Variants in MKRN1 observed in about 807,000 individuals in gnomAD.
MKRN1 encodes the protein makorin ring finger protein 1.
MKRN1 carries 9 observed loss-of-function variants against 55.5 expected under a neutral mutation model. The observed-to-expected ratio is 0.16, with a 90% CI of 0.10 to 0.28. The LOEUF (loss-of-function observed/expected upper bound fraction) is 0.28, where lower values mean the gene tolerates loss of function less well. Among genes scored for constraint, MKRN1 ranks in the 10% least tolerant of loss-of-function variants. MKRN1 has a pLI of 1.00. For synonymous variants in MKRN1, 253 were observed against 235.9 expected (o/e 1.07, Z -0.66); for missense variants, 488 against 626.7 (o/e 0.78, Z 2.36).
At chr7:140,473,185 A>G (rs1794985994) in intron 1 of MKRN1, 1 of 424,098 alleles carries the variant, frequency 2.4e-6, no homozygotes, top group South Asian at 1.7e-5. Context: ...ATATAAGTAT[A>G]TGTCTTGTTT....
rs183498887 is a variant in MKRN1 at position 140,476,034 on chromosome 7, T to C, written c.185+3126A>G. On this transcript the variant is annotated intron_variant, in intron 1 of 7. Transcript: ENST00000255977. ...AGAAAAAATGTAACCAGTAGGAAAA[T>C]ACAGGTGATTCCGAGCAATTAAAAA... Among the ~76,000 whole-genome samples the C allele has an allele frequency of 6.6e-5, 10 of 152,058 alleles. No homozygotes were observed. The East Asian group carries it at 1.6e-3, about 24-fold the overall frequency.
At position 140,479,441 on chromosome 7, in the gene MKRN1, G is replaced by A. The variant is rs1029834104; in HGVS notation, c.-97C>T. ...AGGACGGCGAGGCCAGGCGAGGGGA[G>A]GGGAAGGACACTGAGGCACCCGTTC... On this transcript the variant is annotated 5_prime_UTR_variant, in exon 1 of 8. Transcript: ENST00000255977. 14 of 1,208,120 alleles carry A rather than the reference G, an allele frequency of 1.2e-5. No homozygotes were observed. In the African/African-American group the frequency reaches 1.7e-4, roughly 15 times the overall value. The allele number at this position is 1,208,120 out of a possible 1,614,324, so 74.8% of individuals were successfully genotyped here. A position where few individuals can be genotyped will look rare whatever the true frequency, so the allele number is the denominator to read the frequency against.
Position 140,454,461 on chromosome 7 carries a change from C to G in MKRN1, c.*56G>C. On this transcript the variant is annotated 3_prime_UTR_variant, in exon 8 of 8. Transcript: ENST00000255977. ...GAACACAGGCACTGCCACACCACCA[C>G]AGGGGACAGCTGCTGTCTGAGGTCA... The G allele has an allele frequency of 2.6e-6, 4 of 1,530,884 alleles. No individual in the cohort carries two copies. Among genetic ancestry groups the G allele is most frequent in the East Asian group, 2.3e-5 (1 of 43,736 alleles). 94.8% of individuals were successfully genotyped at this position (1,530,884 alleles called of 1,614,324 possible). A position where few individuals can be genotyped will look rare whatever the true frequency, so the allele number is the denominator to read the frequency against.
chr7:140,460,021 T>A (rs2130266683), intron 2 of MKRN1, 85 bp from the exon 3 acceptor site: 1 of 1,182,152 alleles, frequency 8.5e-7, no homozygotes, highest in Non-Finnish European at 1.2e-6. Flanking sequence ...CTGAGGTGGG[T>A]GGATCACCAG....
upstream of MKRN1, chr7:140,479,516 C>CTGCGGGCCCAGAGCA (rs1795230532): frequency 7.7e-6 from 5 of 649,970 alleles, no homozygotes; most frequent in East Asian, 6.9e-5. Flanking sequence ...GCCACTTCAA[C>CTGCGGGCCCAGAGCA]TGCGGGCCCA....
intron 2 of MKRN1, among the ~76,000 whole-genome samples, chr7:140,460,781 A>C (rs772019203): frequency 1.3e-5 from 2 of 152,232 alleles, no homozygotes; most frequent in Non-Finnish European, 2.9e-5. Flanking sequence ...CAAAGTTTAA[A>C]GCATCAAATA....
At chr7:140,468,056 C>CTTCATT (rs1319611897) in intron 2 of MKRN1, among the ~76,000 whole-genome samples, 1 of 145,598 alleles carries the variant, frequency 6.9e-6, no homozygotes, top group Non-Finnish European at 1.5e-5. Context: ...TCAATTTAAC[C>CTTCATT]TTCATTTTTT....
intron 2 of MKRN1, among the ~76,000 whole-genome samples, chr7:140,460,597 G>A (rs925386581): frequency 1.3e-5 from 2 of 152,082 alleles, no homozygotes; most frequent in African/African-American, 4.8e-5. Context: ...CACCACGTAC[G>A]GCCATATATT....
At chr7:140,459,964 C>T (rs750725003) in intron 2 of MKRN1, 28 bp from the exon 3 acceptor site, 30 of 1,589,356 alleles carry the variant, frequency 1.9e-5, no homozygotes, top group Non-Finnish European at 2.4e-5. Context: ...AGTAAGCAGT[C>T]GGCCAGTCGT....
chr7:140,462,367 A>G (rs990656546), intron 2 of MKRN1, among the ~76,000 whole-genome samples: 2 of 152,208 alleles, frequency 1.3e-5, no homozygotes, highest in African/African-American at 4.8e-5. Flanking sequence ...CATATAGTAA[A>G]TTTAACTGTG....
intron 2 of MKRN1, among the ~76,000 whole-genome samples, chr7:140,470,479 G>A (rs923011427): frequency 5.9e-5 from 9 of 151,720 alleles, no homozygotes; most frequent in Non-Finnish European, 1.0e-4. Flanking sequence ...CAGCTACTCC[G>A]GAAGATGAGG....
At position 140,453,280 on chromosome 7, in the gene MKRN1, C is replaced by T. The variant is rs573795558; in HGVS notation, c.*1237G>A. Reference sequence around the variant, plus strand: ...TCCAATCAAGGAATTCTTCCAACAACTTAACTTTAGCTAATCTCAGGGATT... The same window carrying T: ...TCCAATCAAGGAATTCTTCCAACAATTTAACTTTAGCTAATCTCAGGGATT... On this transcript the variant is annotated 3_prime_UTR_variant, in exon 8 of 8. Coordinates refer to ENST00000255977, the MANE Select transcript of MKRN1 (RefSeq NM_013446.4). 2 of 152,730 alleles carry T rather than the reference C, an allele frequency of 1.3e-5. No homozygotes were observed. Among genetic ancestry groups the T allele is most frequent in the African/African-American group, 4.8e-5 (2 of 41,564 alleles). 9.5% of individuals were successfully genotyped at this position (152,730 alleles called of 1,614,324 possible).
At chr7:140,477,374 T>TGAAGC (rs1464430767) in intron 1 of MKRN1, among the ~76,000 whole-genome samples, 5 of 151,832 alleles carry the variant, frequency 3.3e-5, no homozygotes, top group Non-Finnish European at 5.9e-5. Context: ...CAGGCTGGAG[T>TGAAGC]GAAGTGGTGT....
At chr7:140,472,679 C>A (rs770070817) in intron 1 of MKRN1, among the ~76,000 whole-genome samples, 8 of 151,494 alleles carry the variant, frequency 5.3e-5, no homozygotes, top group African/African-American at 1.9e-4. Flanking sequence ...TGAGCCACTG[C>A]GCCTGGCCCT....
chr7:140,456,282 T>TGG, intron 5 of MKRN1: 2 of 1,166,062 alleles, frequency 1.7e-6, no homozygotes, highest in Non-Finnish European at 2.1e-6. Context: ...TAAAGGATGG[T>TGG]GGATTGTTGG....
Position 140,456,815 on chromosome 7 carries a change from G to A in MKRN1, c.823C>T (p.Arg275Cys), listed in dbSNP as rs1277037459. ...KDMELSFAVQ[R>C]SKDMVCGICM... The stretch of plus-strand genomic sequence containing the variant: ...ATCCCACACACCATGTCCTTGCTGC[G>A]CTGCACGGCAAATGAGAGCTCCATG... Residue 275 changes from arginine to cysteine, a missense_variant, in exon 5 of 8, where the codon CGC (arginine) becomes TGC (cysteine). Arg to Cys is a radical substitution (Grantham distance 180). Coordinates refer to ENST00000255977, the MANE Select transcript of MKRN1 (RefSeq NM_013446.4). 6 of 1,613,824 alleles carry A rather than the reference G, an allele frequency of 3.7e-6. No individual in the cohort carries two copies. Among genetic ancestry groups the A allele is most frequent in the Admixed American group, 1.7e-5 (1 of 59,966 alleles).
intron 1 of MKRN1, chr7:140,474,401 G>C (rs1273883605): frequency 2.9e-6 from 1 of 347,202 alleles, no homozygotes; most frequent in African/African-American, 2.2e-5. Context: ...AGCTACTTGG[G>C]AGGCTGAGGC....
At chr7:140,461,429 G>A (rs1794611121) in intron 2 of MKRN1, among the ~76,000 whole-genome samples, 1 of 152,088 alleles carries the variant, frequency 6.6e-6, no homozygotes. Flanking sequence ...GATCACTTAA[G>A]GCCAGGAGTG....
chr7:140,469,738 C>T (rs1434389815), intron 2 of MKRN1, among the ~76,000 whole-genome samples: 1 of 152,020 alleles, frequency 6.6e-6, no homozygotes, highest in Non-Finnish European at 1.5e-5. Context: ...CATAGTGAAA[C>T]CCCGTCTCTA....
Sources: allele counts gnomAD v4.1 joint callset (sites outside exome capture counted in the v4.1 genomes callset), GRCh38; gene constraint gnomAD v4.1.1; transcripts MANE v1.5; gene names NCBI Gene and HGNC (gene_info 2026-07-23, HGNC 2026-07-21).